Variants in IL1RAPL1 observed in about 807,000 individuals in gnomAD.
IL1RAPL1 encodes interleukin 1 receptor accessory protein like 1, also known as interleukin-1 receptor accessory protein-like 1.
Under a neutral mutation model 48.4 loss-of-function variants are expected in IL1RAPL1, and 3 were observed. That is an observed-to-expected ratio of 0.06 (90% CI 0.03 to 0.16). IL1RAPL1 has a LOEUF of 0.16. Among genes scored for constraint, IL1RAPL1 ranks in the 10% least tolerant of loss-of-function variants. The pLI is 1.00. For synonymous variants in IL1RAPL1, 185 were observed against 187.7 expected (o/e 0.99, Z 0.12); for missense variants, 349 against 530.6 (o/e 0.66, Z 3.36).
At chrX:29,691,750 C>CAA (rs761236508) in intron 6 of IL1RAPL1, among the ~76,000 whole-genome samples, 34 of 17,397 alleles carry the variant, frequency 2.0e-3, no homozygotes, top group Admixed American at 2.8e-3. Flanking sequence ...GACTCCGTCT[C>CAA]AAAAAAAAAA....
chrX:28,705,611 A>T (rs1009154666), intron 1 of IL1RAPL1, among the ~76,000 whole-genome samples: 15 of 111,967 alleles, frequency 1.3e-4, no homozygotes, highest in African/African-American at 4.2e-4. Flanking sequence ...CATTCCTCAT[A>T]CTCAAGGATT....
At chrX:29,774,820 T>C (rs1355654684) in intron 6 of IL1RAPL1, among the ~76,000 whole-genome samples, 1 of 112,087 alleles carries the variant, frequency 8.9e-6, no homozygotes, top group Non-Finnish European at 1.9e-5. Flanking sequence ...AGATCCCCAC[T>C]GATGGTTTCC....
At chrX:29,428,289 A>C (rs1396820159) in intron 5 of IL1RAPL1, among the ~76,000 whole-genome samples, 1 of 112,143 alleles carries the variant, frequency 8.9e-6, no homozygotes, top group Non-Finnish European at 1.9e-5. Context: ...TTTACAGATA[A>C]GGCAGGCTGA....
chrX:29,534,935 C>G (rs1446283091), intron 5 of IL1RAPL1, among the ~76,000 whole-genome samples: 1 of 107,538 alleles, frequency 9.3e-6, no homozygotes, highest in Non-Finnish European at 1.9e-5. Context: ...TGCCACTGCA[C>G]TCCAGCCTGG....
Position 29,129,335 on chromosome X carries a change from G to A in IL1RAPL1, c.83-153603G>A, listed in dbSNP as rs181781060. Among the ~76,000 whole-genome samples, 361 of 110,955 alleles carry A rather than the reference G, an allele frequency of 3.3e-3. 3 individuals are homozygous for A. The highest frequency in any genetic ancestry group is 0.011 in the African/African-American group (348 of 30,583). ...TGGGATTACAGGCATGAGCCACCAC[G>A]CCAGCCTACATAGAATCATTTTACA... is the stretch of plus-strand genomic sequence containing the variant. On this transcript the variant is annotated intron_variant, in intron 2 of 10. Coordinates refer to ENST00000378993, the MANE Select transcript of IL1RAPL1 (RefSeq NM_014271.4).
intron 2 of IL1RAPL1, among the ~76,000 whole-genome samples, chrX:29,212,085 G>A (rs867359822): frequency 6.3e-5 from 7 of 111,129 alleles, no homozygotes; most frequent in Non-Finnish European, 1.1e-4. Flanking sequence ...CTGTCCCCCC[G>A]CAAAGCCTGT....
At chrX:29,240,215 TATATATATA>T (rs1359927687) in intron 2 of IL1RAPL1, among the ~76,000 whole-genome samples, 6 of 27,611 alleles carry the variant, frequency 2.2e-4, no homozygotes, top group South Asian at 3.4e-3. Context: ...TATATATATA[TATATATATA>T]TTTTTTTTTT....
chrX:28,694,179 C>A (rs753403329), intron 1 of IL1RAPL1, among the ~76,000 whole-genome samples: 1 of 111,779 alleles, frequency 8.9e-6, no homozygotes, highest in Non-Finnish European at 1.9e-5. Flanking sequence ...CCTAGTTTCA[C>A]TTCATTTTCT....
intron 2 of IL1RAPL1, among the ~76,000 whole-genome samples, chrX:29,277,436 A>T (rs1263880616): frequency 8.9e-6 from 1 of 112,621 alleles, no homozygotes; most frequent in South Asian, 3.6e-4. Context: ...TCAGATTAAC[A>T]GTTAAAGAAT....
chrX:28,873,523 C>CTTTTTTTTTTTTTTTTTTTTTTTTTTTT (rs10554661), intron 2 of IL1RAPL1, among the ~76,000 whole-genome samples: 2 of 56,679 alleles, frequency 3.5e-5, no homozygotes, highest in African/African-American at 1.6e-4. Flanking sequence ...TTCTTTCTTT[C>CTTTTTTTTTTTTTTTTTTTTTTTTTTTT]TTTTTTTTTT....
At chrX:28,763,632 A>C (rs1334717077) in intron 1 of IL1RAPL1, among the ~76,000 whole-genome samples, 1 of 111,643 alleles carries the variant, frequency 9.0e-6, no homozygotes, top group Non-Finnish European at 1.9e-5. Flanking sequence ...TACTTACCTC[A>C]GAATCAATGA....
At chrX:28,793,694 C>T (rs751900001) in intron 2 of IL1RAPL1, among the ~76,000 whole-genome samples, 1 of 111,257 alleles carries the variant, frequency 9.0e-6, no homozygotes, top group South Asian at 3.8e-4. Context: ...CTGTTATGGA[C>T]AAAGTATGAC....
intron 1 of IL1RAPL1, among the ~76,000 whole-genome samples, chrX:28,774,013 C>T (rs1936335963): frequency 8.9e-6 from 1 of 111,871 alleles, no homozygotes; most frequent in Non-Finnish European, 1.9e-5. Context: ...ATAATTTGAC[C>T]CAGTTGACCA....
chrX:29,929,433 A>G (rs1932921015), intron 8 of IL1RAPL1, among the ~76,000 whole-genome samples: 1 of 111,903 alleles, frequency 8.9e-6, no homozygotes, highest in Non-Finnish European at 1.9e-5. Flanking sequence ...TGGGTGACTA[A>G]TAATATACAT....
At chrX:28,728,656 G>A (rs1935711830) in intron 1 of IL1RAPL1, among the ~76,000 whole-genome samples, 1 of 111,859 alleles carries the variant, frequency 8.9e-6, no homozygotes, top group African/African-American at 3.2e-5. Context: ...AATATTTGCA[G>A]AAAAACATAA....
intron 2 of IL1RAPL1, among the ~76,000 whole-genome samples, chrX:28,860,858 T>C (rs1275946756): frequency 5.4e-5 from 6 of 111,689 alleles, no homozygotes; most frequent in Non-Finnish European, 1.1e-4. Context: ...AGAATTTTTT[T>C]TTCTGAGAAA....
chrX:29,190,158 G>A lies in IL1RAPL1; in HGVS notation c.83-92780G>A, dbSNP rs1409978549. Among the ~76,000 whole-genome samples the A allele has an allele frequency of 3.6e-5, 4 of 111,800 alleles. No individual in the cohort carries two copies. In the Admixed American group the frequency reaches 3.8e-4, roughly 11 times the overall value. On this transcript the variant is annotated intron_variant, in intron 2 of 10. Transcript: ENST00000378993. The stretch of plus-strand genomic sequence containing the variant: ...TGCAAAGTGTGATGTATACTGACTA[G>A]TACTTAATGCAAATTTAATAAATGG...
intron 6 of IL1RAPL1, among the ~76,000 whole-genome samples, chrX:29,799,969 C>T (rs143321454): frequency 8.9e-6 from 1 of 111,766 alleles, no homozygotes; most frequent in Non-Finnish European, 1.9e-5. Flanking sequence ...TGTTGTACAT[C>T]TCAGTTTCAT....
intron 5 of IL1RAPL1, among the ~76,000 whole-genome samples, chrX:29,663,484 T>G (rs1006763433): frequency 8.9e-6 from 1 of 112,280 alleles, no homozygotes; most frequent in Non-Finnish European, 1.9e-5. Flanking sequence ...TTCTTTTATC[T>G]CTAAATTAGT....
Sources: gnomAD v4.1 joint callset for allele counts (sites outside exome capture counted in the v4.1 genomes callset) on GRCh38, gnomAD v4.1.1 for gene constraint, MANE v1.5 for transcripts, NCBI Gene and HGNC (gene_info 2026-07-23, HGNC 2026-07-21) for gene names.